Variants in RPL18 observed in about 807,000 individuals in gnomAD.
The protein encoded by RPL18 is ribosomal protein L18, also known as large ribosomal subunit protein eL18.
A neutral mutation model predicts 25.0 loss-of-function variants in RPL18; 4 were observed. The ratio of observed to expected loss-of-function variants is 0.16; its 90% CI spans 0.08 to 0.37. The LOEUF (loss-of-function observed/expected upper bound fraction) is 0.37, where lower values mean the gene tolerates loss of function less well. RPL18 is among the 10% of genes least tolerant of loss of function. The pLI is 1.00. For missense variants in RPL18, 179 were observed against 267.9 expected (o/e 0.67, Z 2.32); for synonymous variants, 129 against 101.6 (o/e 1.27, Z -1.62).
At chr19:48,619,113 A>T (rs1290557024) in intron 1 of RPL18, 28 bp downstream of exon 1, 1 of 1,411,506 alleles carries the variant, frequency 7.1e-7, no homozygotes, top group East Asian at 3.7e-5. Context: ...CGGATTATCC[A>T]GCCCCGAACG....
chr19:48,616,975 C>T (rs1974195312), intron 3 of RPL18, 151 bp from the exon 4 acceptor site: 2 of 715,130 alleles, frequency 2.8e-6, no homozygotes, highest in Non-Finnish European at 5.1e-6. Context: ...TCCTCAGGTC[C>T]AGCTGGGGAA....
At position 48,616,187 on chromosome 19, in the gene RPL18, C is replaced by T. The variant is rs1048829394; in HGVS notation, c.313G>A (p.Val105Met). ...VPKLKVCALR[V>M]TSRARSRILR... ...ATGCGGCTGCGGGCCCGGCTGGTCACGCGCAGTGCACATACCTGGTGGAGA... is the reference window on the plus strand; with the variant it reads ...ATGCGGCTGCGGGCCCGGCTGGTCATGCGCAGTGCACATACCTGGTGGAGA... Residue 105 changes from valine to methionine, a missense_variant, in exon 5 of 7, where the codon GTG becomes ATG. By Grantham distance (21) the Val-to-Met change is conservative. Transcript: ENST00000549920. 4.3e-6 allele frequency: 7 copies of T among 1,613,822 alleles called. No individual in the cohort carries two copies. The highest frequency in any genetic ancestry group is 5.9e-6 in the Non-Finnish European group (7 of 1,180,002).
intron 2 of RPL18, 40 bp downstream of exon 2, chr19:48,617,751 T>TTGGGAA: frequency 1.3e-6 from 2 of 1,511,870 alleles, no homozygotes; most frequent in Non-Finnish European, 1.8e-6. Context: ...AAGTCAGACC[T>TTGGGAA]GGGGTGACCC....
rs373159555 is a variant in RPL18 at position 48,617,385 on chromosome 19, G to A, written c.129C>T (p.Phe43=). The change falls in exon 3 of 7, where the codon TTC becomes TTT. Residue 43 remains phenylalanine, a synonymous_variant. Transcript: ENST00000549920. ...ACAACCTCTTCAACACAACCTGGTT[G>A]AATGTGGAGTTGGTTCTTCTGGCCA... ...RFLARRTNST[F]NQVVLKRLFM... The A allele has an allele frequency of 1.2e-5, 19 of 1,614,226 alleles. No individual in the cohort carries two copies. The highest frequency in any genetic ancestry group is 1.4e-5 in the Non-Finnish European group (16 of 1,180,034).
In RPL18 at chr19:48,616,532, G is replaced by A. The variant is rs960807323; in HGVS notation, c.297+194C>T. The A allele has an allele frequency of 1.4e-5, 10 of 706,438 alleles. 1 individual carries two copies. Among genetic ancestry groups the A allele is most frequent in the South Asian group, 1.3e-4 (9 of 67,282 alleles). 43.8% of individuals were successfully genotyped at this position (706,438 alleles called of 1,614,324 possible). On this transcript the variant is annotated intron_variant, in intron 4 of 6. Transcript: ENST00000549920. Reference sequence around the variant, plus strand: ...TTACAACTTGCCCCAGAAGAAGCTTGCCCAGGGGACCCCACCATCAACCAT... The same window carrying A: ...TTACAACTTGCCCCAGAAGAAGCTTACCCAGGGGACCCCACCATCAACCAT...
Position 48,617,781 on chromosome 19 carries a change from C to A in RPL18, c.90+10G>T. ...TGACCCTTCCCAAAGACCTCAGGGC[C>A]CAGCCTCACCTTGACCAACAGCCTC... is the stretch of plus-strand genomic sequence containing the variant. On this transcript the variant is annotated intron_variant, in intron 2 of 6. Coordinates refer to ENST00000549920, the MANE Select transcript of RPL18 (RefSeq NM_000979.4). The A allele has an allele frequency of 6.2e-7, 1 of 1,611,634 alleles. No individual in the cohort carries two copies. Among genetic ancestry groups the A allele is most frequent in the African/African-American group, 1.3e-5 (1 of 75,002 alleles).
chr19:48,615,446 G>C lies in RPL18; in HGVS notation c.493C>G (p.Pro165Ala). 1 of 1,612,252 alleles carries C rather than the reference G, an allele frequency of 6.2e-7. No homozygotes were observed. Among genetic ancestry groups the C allele is most frequent in the South Asian group, 1.1e-5 (1 of 90,674 alleles). The change falls in exon 7 of 7, where the codon CCC (proline) becomes GCC (alanine). Residue 165 changes from proline (P) to alanine (A), a missense_variant and splice_region_variant. Coordinates refer to ENST00000549920, the MANE Select transcript of RPL18 (RefSeq NM_000979.4). ...TTCCGGCCCTTGGAGCGGACGTAGG[G>C]TCTGTGGGGAGAGGAGGGAGTGAGA... is the stretch of plus-strand genomic sequence containing the variant. The part of the protein sequence containing the change: ...APGTPHSHTK[P>A]YVRSKGRKFE...
Position 48,616,745 on chromosome 19 carries a change from T to C in RPL18, c.278A>G (p.Gln93Arg). The C allele has an allele frequency of 6.2e-7, 1 of 1,613,392 alleles. No homozygotes were observed. The highest frequency in any genetic ancestry group is 8.5e-7 in the Non-Finnish European group (1 of 1,179,354). ...GCTCACCTTCAGTTTGGGTACCTCC[T>C]GAACCCGCACATCATCAGTTATGGT... ...VGTITDDVRV[Q>R]EVPKLKVCAL... The change falls in exon 4 of 7, where the codon CAG becomes CGG. Residue 93 changes from glutamine to arginine, a missense_variant. By Grantham distance (43) the Gln-to-Arg change is conservative. Transcript: ENST00000549920.
intron 4 of RPL18, 193 bp downstream of exon 4, chr19:48,616,533 C>T (rs1974175807): frequency 1.4e-6 from 1 of 706,152 alleles, no homozygotes; most frequent in South Asian, 1.5e-5. Context: ...AAGAAGCTTG[C>T]CCAGGGGACC....
chr19:48,617,913 C>T, intron 1 of RPL18, 36 bp from the exon 2 acceptor site: 1 of 1,468,912 alleles, frequency 6.8e-7, no homozygotes, highest in Non-Finnish European at 9.5e-7. Flanking sequence ...GACCCAATTA[C>T]CCCCAACCAT....
At chr19:48,615,711 T>C (rs1292549124) in intron 6 of RPL18, 166 bp downstream of exon 6, 2 of 696,182 alleles carry the variant, frequency 2.9e-6, no homozygotes, top group Non-Finnish European at 5.0e-6. Flanking sequence ...AAAACACAGC[T>C]CCAAGCAGTG....
chr19:48,618,115 ATTAAC>A (rs1974241105), intron 1 of RPL18: 2 of 406,444 alleles, frequency 4.9e-6, no homozygotes. Flanking sequence ...CAGCAATCAT[ATTAAC>A]TTAATACAAA....
Position 48,619,153 on chromosome 19 carries a change from T to C in RPL18, c.-10A>G, listed in dbSNP as rs748117052. ...AAAGCGAGCTCACCATGATGGCGCC[T>C]CCTGCTCGGCCAGGTCCGGAAAGAG... On this transcript the variant is annotated 5_prime_UTR_variant, in exon 1 of 7. Coordinates refer to ENST00000549920, the MANE Select transcript of RPL18 (RefSeq NM_000979.4). 6 of 1,239,672 alleles carry C rather than the reference T, an allele frequency of 4.8e-6. No individual in the cohort carries two copies. Among genetic ancestry groups the C allele is most frequent in the African/African-American group, 1.6e-5 (1 of 63,268 alleles). The allele number at this position is 1,239,672 out of a possible 1,614,324, so 76.8% of individuals were successfully genotyped here.
rs151024665 is a variant in RPL18, at chr19:48,615,399, T to C, written c.540A>G (p.Arg180=). 7 of 1,612,836 alleles carry C rather than the reference T, an allele frequency of 4.3e-6. No individual in the cohort carries two copies. Among genetic ancestry groups the C allele is most frequent in the Admixed American group, 1.7e-5 (1 of 59,932 alleles). ...AGTTTTTGTAGCCTCGGCTGGCCCG[T>C]CGGCCTCTGGCACGCTCGAACTTCC... ...KGRKFERARG[R]RASRGYKN The change falls in exon 7 of 7, where the codon CGA becomes CGG. Residue 180 remains arginine, a synonymous_variant. Coordinates refer to ENST00000549920, the MANE Select transcript of RPL18 (RefSeq NM_000979.4).
At chr19:48,616,703 C>A in intron 4 of RPL18, 23 bp downstream of exon 4, 1 of 1,486,030 alleles carries the variant, frequency 6.7e-7, no homozygotes, top group Non-Finnish European at 9.3e-7. Context: ...TCTGATGGGT[C>A]TGCCCAGCCC....
rs1974162317 is a variant in RPL18 at position 48,616,107 on chromosome 19, A to C, written c.393T>G (p.Pro131=). Reference sequence around the variant, plus strand: ...AGAGCAGGACAGTGCCACAGCCCTTAGGGGAGTCCAGGGCCAGCTGGTCGA... The same window carrying C: ...AGAGCAGGACAGTGCCACAGCCCTTCGGGGAGTCCAGGGCCAGCTGGTCGA... The part of the protein sequence containing the change: ...LTFDQLALDS[P]KGCGTVLLSG... The change falls in exon 5 of 7, where the codon CCT becomes CCG. Residue 131 remains proline (P), a synonymous_variant. Transcript: ENST00000549920. 1.2e-6 allele frequency: 2 copies of C among 1,614,042 alleles called. No individual in the cohort carries two copies. Among genetic ancestry groups the C allele is most frequent in the South Asian group, 1.1e-5 (1 of 91,088 alleles).
intron 6 of RPL18, 71 bp downstream of exon 6, chr19:48,615,806 C>A: frequency 2.2e-6 from 3 of 1,380,622 alleles, no homozygotes; most frequent in Non-Finnish European, 3.0e-6. Context: ...GAGAAGCAGC[C>A]CAAGTGTGGC....
chr19:48,619,004 G>A lies in RPL18; in HGVS notation c.3+137C>T, dbSNP rs536749106. On this transcript the variant is annotated intron_variant, in intron 1 of 6. Transcript: ENST00000549920. ...CCCATCCCTGCTTTCCTGGCCCCCA[G>A]AGTAGGTCCCCAGTATCGGGAATTG... The A allele has an allele frequency of 8.3e-4, 740 of 895,024 alleles. 6 individuals carry two copies. In the South Asian group the frequency reaches 8.9e-3, roughly 11 times the overall value. 55.4% of individuals were successfully genotyped at this position (895,024 alleles called of 1,614,324 possible).
At chr19:48,616,335 T>A in intron 4 of RPL18, 133 bp from the exon 5 acceptor site, 1 of 1,107,842 alleles carries the variant, frequency 9.0e-7, no homozygotes, top group Non-Finnish European at 1.3e-6. Context: ...CGGAGCACCC[T>A]GGGCTGACAG....
Sources: gnomAD v4.1 joint callset for allele counts on GRCh38, gnomAD v4.1.1 for gene constraint, MANE v1.5 for transcripts, NCBI Gene and HGNC (gene_info 2026-07-23, HGNC 2026-07-21) for gene names.